The following ITGA9 variants were observed in gnomAD, a reference collection of about 807,000 sequenced individuals.
ITGA9 encodes integrin alpha-9.
A neutral mutation model predicts 127.8 loss-of-function variants in ITGA9; 56 were observed. The observed-to-expected ratio is 0.44, with a 90% CI of 0.35 to 0.55. The LOEUF is 0.55. ITGA9 is among the 20% of genes least tolerant of loss of function. The probability of loss-of-function intolerance (pLI) is 0.00; values close to 1 mark genes in which losing one functional copy is unlikely to be tolerated. For missense variants in ITGA9, 1,196 were observed against 1,347.1 expected, an observed-to-expected ratio of 0.89 and a Z score of 1.76; for synonymous variants, 508 against 514.5, an observed-to-expected ratio of 0.99 and a Z score of 0.17.
chr3:37,535,340 G>T (rs1413770911), intron 14 of ITGA9, among the ~76,000 whole-genome samples: 1 of 152,236 alleles, frequency 6.6e-6, no homozygotes, highest in Admixed American at 6.5e-5. Context: ...GAGCAAGAGT[G>T]ATTCAGAGCA....
intron 15 of ITGA9, among the ~76,000 whole-genome samples, chr3:37,562,548 G>C (rs1256579702): frequency 6.6e-6 from 1 of 152,234 alleles, no homozygotes; most frequent in Non-Finnish European, 1.5e-5. Flanking sequence ...CAGTGGTAGG[G>C]AAGATGCCCA....
intron 13 of ITGA9, among the ~76,000 whole-genome samples, chr3:37,526,541 C>T (rs1374040513): frequency 6.6e-6 from 1 of 152,204 alleles, no homozygotes; most frequent in Admixed American, 6.5e-5. Flanking sequence ...GCCTCCTGCC[C>T]GTTAGACAGC....
intron 15 of ITGA9, among the ~76,000 whole-genome samples, chr3:37,590,514 A>G (rs1699805068): frequency 6.6e-6 from 1 of 152,186 alleles, no homozygotes; most frequent in South Asian, 2.1e-4. Flanking sequence ...GTTCCTGTGC[A>G]TGGTGTAGCC....
At chr3:37,747,716 C>CTTTTTTT (rs56897652) in intron 22 of ITGA9, among the ~76,000 whole-genome samples, 2 of 140,032 alleles carry the variant, frequency 1.4e-5, no homozygotes, top group Non-Finnish European at 1.5e-5. Flanking sequence ...CCTTTTTTTT[C>CTTTTTTT]TTTTTTTTTT....
intron 1 of ITGA9, among the ~76,000 whole-genome samples, chr3:37,460,538 C>T (rs1698305078): frequency 6.6e-6 from 1 of 150,596 alleles, no homozygotes. Context: ...ATGCCTGTAA[C>T]AAAATATCTC....
intron 15 of ITGA9, among the ~76,000 whole-genome samples, chr3:37,564,238 C>G (rs1303365786): frequency 1.3e-5 from 2 of 152,098 alleles, no homozygotes; most frequent in Non-Finnish European, 2.9e-5. Context: ...CTTCATATAC[C>G]TTTTCTCTCT....
chr3:37,654,926 A>G (rs1700463441), intron 17 of ITGA9, among the ~76,000 whole-genome samples: 1 of 151,748 alleles, frequency 6.6e-6, no homozygotes, highest in South Asian at 2.1e-4. Flanking sequence ...CCCACTTATG[A>G]CTAAGAACAT....
chr3:37,691,652 G>C (rs951290258), intron 18 of ITGA9, among the ~76,000 whole-genome samples: 1 of 152,204 alleles, frequency 6.6e-6, no homozygotes, highest in Non-Finnish European at 1.5e-5. Flanking sequence ...CTCCAGCCTG[G>C]CTGTTTTCCG....
chr3:37,715,752 C>T (rs1701128560), intron 18 of ITGA9, among the ~76,000 whole-genome samples: 1 of 152,198 alleles, frequency 6.6e-6, no homozygotes, highest in Non-Finnish European at 1.5e-5. Context: ...GAGAGATTCC[C>T]AGGACCTGGA....
rs113860332 is a variant in ITGA9, at chr3:37,717,675, C to T, written c.2068-15037C>T. 3.7e-3 allele frequency among the ~76,000 whole-genome samples: 558 copies of T among 152,268 alleles called. 5 individuals are homozygous for T. The highest frequency in any genetic ancestry group is 0.013 in the African/African-American group (528 of 41,548). On this transcript the variant is annotated intron_variant, in intron 18 of 27. Transcript: ENST00000264741. ...CAAGAACAATAAGGGGAAAATCCAC[C>T]TCCATGATCCAGTCACCTTCCACCA...
intron 17 of ITGA9, among the ~76,000 whole-genome samples, chr3:37,658,542 A>G (rs1700501685): frequency 6.6e-6 from 1 of 152,100 alleles, no homozygotes; most frequent in Non-Finnish European, 1.5e-5. Context: ...TGCTTGGTAA[A>G]TATTCTACCA....
rs187168129 is a variant in ITGA9, at chr3:37,679,292, G to A, written c.1917-4573G>A. Among the ~76,000 whole-genome samples the A allele has an allele frequency of 2.8e-3, 420 of 152,120 alleles. 2 individuals are homozygous for A. Among genetic ancestry groups the A allele is most frequent in the Non-Finnish European group, 4.9e-3 (331 of 68,000 alleles). ...GTTCCTCAATAAATAAGCACCCCTG[G>A]AATGTTTAGCACAAAAACTCTATGC... On this transcript the variant is annotated intron_variant, in intron 17 of 27. Coordinates refer to ENST00000264741, the MANE Select transcript of ITGA9 (RefSeq NM_002207.3).
chr3:37,597,818 A>G lies in ITGA9; in HGVS notation c.1690-31369A>G, dbSNP rs569953207. ...GCTGATTTGGGCAGGGCTTGTTCAT[A>G]TAGCTAGGGGTCAGCTAGCTGTTGG... On this transcript the variant is annotated intron_variant, in intron 15 of 27. Transcript: ENST00000264741. The surrounding 1 kb of genome is among the most constrained non-coding windows in gnomAD (Gnocchi z 4.6). Among the ~76,000 whole-genome samples, 11 of 152,306 alleles carry G rather than the reference A, an allele frequency of 7.2e-5. No homozygotes were observed. The South Asian group carries it at 1.9e-3, about 26-fold the overall frequency.
At chr3:37,675,742 A>G (rs865905343) in intron 17 of ITGA9, among the ~76,000 whole-genome samples, 7 of 126,146 alleles carry the variant, frequency 5.5e-5, no homozygotes, top group African/African-American at 2.3e-4. Context: ...TTTAAAAACT[A>G]CTTTTTTTTT....
intron 27 of ITGA9, among the ~76,000 whole-genome samples, chr3:37,805,329 G>C (rs1431310985): frequency 6.6e-6 from 1 of 152,116 alleles, no homozygotes; most frequent in Non-Finnish European, 1.5e-5. Context: ...GATTATAGGT[G>C]TGAACCAACG....
chr3:37,625,221 TG>T (rs1171184071), intron 15 of ITGA9, among the ~76,000 whole-genome samples: 1 of 152,200 alleles, frequency 6.6e-6, no homozygotes, highest in Non-Finnish European at 1.5e-5. Flanking sequence ...TCTGAACCTT[TG>T]GGTCCCCAAA....
At chr3:37,630,844 G>A (rs113634861) in intron 16 of ITGA9, among the ~76,000 whole-genome samples, 60 of 152,320 alleles carry the variant, frequency 3.9e-4, no homozygotes, top group African/African-American at 1.4e-3. Flanking sequence ...GAGTGAGGGA[G>A]GACACGTGGT....
At chr3:37,770,070 C>A (rs921264712) in intron 23 of ITGA9, among the ~76,000 whole-genome samples, 2 of 152,138 alleles carry the variant, frequency 1.3e-5, no homozygotes, top group African/African-American at 4.8e-5. Context: ...TTAAGGAGAG[C>A]AGAAGTTAAA....
chr3:37,460,317 A>G (rs1257437534), intron 1 of ITGA9, among the ~76,000 whole-genome samples: 2 of 152,358 alleles, frequency 1.3e-5, no homozygotes, highest in East Asian at 3.9e-4. Context: ...ACTTAATAAA[A>G]GGCATGAATG....
Sources: gnomAD v4.1 joint callset for allele counts (sites outside exome capture counted in the v4.1 genomes callset) on GRCh38, gnomAD v4.1.1 for gene constraint, Gnocchi (gnomAD v3.1) non-coding constraint, MANE v1.5 for transcripts, NCBI Gene and HGNC (gene_info 2026-07-23, HGNC 2026-07-21) for gene names.